VPS35L: variants seen among roughly 807,000 people sequenced by gnomAD.
The protein encoded by VPS35L is VPS35 endosomal protein sorting factor like.
In VPS35L, 83 loss-of-function variants were observed where a neutral mutation model predicts 133.0. The ratio of observed to expected loss-of-function variants is 0.62; its 90% CI spans 0.52 to 0.75. VPS35L has a LOEUF of 0.75. Ranked by LOEUF, VPS35L falls within the 30% of genes least tolerant of loss-of-function variation. VPS35L has a pLI of 0.00. For missense variants in VPS35L, 1,083 were observed against 1,206.8 expected, an observed-to-expected ratio of 0.90 and a Z score of 1.52; for synonymous variants, 423 against 449.9, an observed-to-expected ratio of 0.94 and a Z score of 0.76.
chr16:19,599,980 G>T (rs558054881), intron 8 of VPS35L, among the ~76,000 whole-genome samples: 1 of 152,186 alleles, frequency 6.6e-6, no homozygotes. Context: ...GGTGGAGGCC[G>T]TAGTGAGCTG....
intron 1 of VPS35L, among the ~76,000 whole-genome samples, chr16:19,563,315 TAAAAA>T (rs900116765): frequency 7.4e-6 from 1 of 135,932 alleles, no homozygotes; most frequent in Non-Finnish European, 1.6e-5. Flanking sequence ...CAAAAAAACT[TAAAAA>T]AAAAAAAAAG....
chr16:19,664,004 A>T (rs970687200), intron 26 of VPS35L, among the ~76,000 whole-genome samples: 25 of 152,012 alleles, frequency 1.6e-4, no homozygotes. Flanking sequence ...TTTCCCGAAT[A>T]CCGTGTTCTT....
At chr16:19,637,161 A>G (rs1246229963) in intron 19 of VPS35L, among the ~76,000 whole-genome samples, 1 of 152,244 alleles carries the variant, frequency 6.6e-6, no homozygotes, top group Non-Finnish European at 1.5e-5. Context: ...GTTGTGGTGG[A>G]CTGTAGGACG....
chr16:19,568,126 A>G (rs1971244764), intron 2 of VPS35L, among the ~76,000 whole-genome samples: 1 of 152,122 alleles, frequency 6.6e-6, no homozygotes, highest in South Asian at 2.1e-4. Flanking sequence ...ATTATTTAGT[A>G]TTTACTTGTA....
intron 14 of VPS35L, among the ~76,000 whole-genome samples, chr16:19,622,384 C>T (rs1973114263): frequency 6.6e-6 from 1 of 151,826 alleles, no homozygotes; most frequent in African/African-American, 2.4e-5. Context: ...CTCAGGTGAT[C>T]CACCCACCTG....
Position 19,629,773 on chromosome 16 carries a change from A to G in VPS35L, c.1507A>G (p.Ile503Val), listed in dbSNP as rs546049404. 6.2e-7 allele frequency: 1 copy of G among 1,613,744 alleles called. No homozygotes were observed. Among genetic ancestry groups the G allele is most frequent in the South Asian group, 1.1e-5 (1 of 91,078 alleles). ...ITKLKNPQDY[I>V]NCAEVWVEYT... ...TTTTCCTTTCTCTTTGTAGGACTAC[A>G]TTAATTGTGCCGAAGTGTGGGTGGA... Residue 503 changes from isoleucine (I) to valine (V), a missense_variant, in exon 18 of 31, where the codon ATT becomes GTT. Physicochemically the swap from Ile to Val is conservative, Grantham distance 29. Transcript: ENST00000417362.
chr16:19,645,533 C>T (rs1973917176), intron 23 of VPS35L, among the ~76,000 whole-genome samples: 3 of 152,204 alleles, frequency 2.0e-5, no homozygotes, highest in Admixed American at 2.0e-4. Context: ...TCGTAATCCG[C>T]CCGCCTCGGC....
chr16:19,661,101 C>T (rs1974471505), intron 26 of VPS35L, among the ~76,000 whole-genome samples: 1 of 150,898 alleles, frequency 6.6e-6, no homozygotes, highest in Non-Finnish European at 1.5e-5. Flanking sequence ...TCTCTTTCCC[C>T]CTTAGCAATA....
At chr16:19,594,381 C>G (rs1407533652) in intron 8 of VPS35L, among the ~76,000 whole-genome samples, 2 of 152,116 alleles carry the variant, frequency 1.3e-5, no homozygotes, top group African/African-American at 4.8e-5. Flanking sequence ...CAGTGGCTCA[C>G]GCCTATAATC....
chr16:19,592,242 G>GTT (rs1164969618), intron 8 of VPS35L, among the ~76,000 whole-genome samples: 21 of 134,070 alleles, frequency 1.6e-4, no homozygotes, highest in East Asian at 2.2e-4. Context: ...GCCCAGCTAA[G>GTT]TTTTTTTTTT....
intron 26 of VPS35L, among the ~76,000 whole-genome samples, chr16:19,668,877 C>A (rs770320779): frequency 6.6e-6 from 1 of 152,208 alleles, no homozygotes; most frequent in Non-Finnish European, 1.5e-5. Context: ...TTAGCCCAGG[C>A]AACTGTCATT....
chr16:19,567,488 A>G (rs1971225170), intron 2 of VPS35L, among the ~76,000 whole-genome samples: 1 of 152,184 alleles, frequency 6.6e-6, no homozygotes, highest in Non-Finnish European at 1.5e-5. Flanking sequence ...GTTTTCTCAA[A>G]TAAAAATTGG....
chr16:19,612,506 G>C (rs138115317), intron 12 of VPS35L, among the ~76,000 whole-genome samples: 1 of 152,074 alleles, frequency 6.6e-6, no homozygotes, highest in African/African-American at 2.4e-5. Flanking sequence ...TGCCTTCCCC[G>C]GCCTCACAAA....
chr16:19,604,947 C>A (rs1447006176), intron 9 of VPS35L, among the ~76,000 whole-genome samples: 1 of 152,216 alleles, frequency 6.6e-6, no homozygotes, highest in Non-Finnish European at 1.5e-5. Flanking sequence ...GAAGTCAAAT[C>A]ATTTTATTTC....
chr16:19,626,339 G>A (rs1973260857), intron 15 of VPS35L, 116 bp downstream of exon 15: 3 of 802,994 alleles, frequency 3.7e-6, no homozygotes, highest in South Asian at 1.5e-5. Context: ...ACTGCATGGA[G>A]GTTTAGAATG....
chr16:19,579,700 A>T (rs1458511227), intron 6 of VPS35L: 1 of 150,252 alleles, frequency 6.7e-6, no homozygotes, highest in Non-Finnish European at 1.5e-5. Flanking sequence ...TGTCTAAAAA[A>T]AATAACCCAA....
intron 17 of VPS35L, among the ~76,000 whole-genome samples, chr16:19,628,992 A>G (rs996690026): frequency 2.0e-5 from 3 of 152,234 alleles, no homozygotes; most frequent in Admixed American, 6.5e-5. Flanking sequence ...GGTTTTCACC[A>G]TGTTGGTCAG....
In VPS35L at chr16:19,615,640, ACT is replaced by A. The variant is rs1452249878; in HGVS notation, c.1024-471_1024-470del. On this transcript the variant is annotated intron_variant, in intron 12 of 30. Transcript: ENST00000417362. The stretch of plus-strand genomic sequence containing the variant: ...ACTCCACCCTGGGCAACAGAGCGAG[ACT>A]CTGTCTCAAAACAAAACAAAAAACA... 1.4e-4 allele frequency among the ~76,000 whole-genome samples: 21 copies of A among 149,396 alleles called. No individual in the cohort carries two copies. The South Asian group carries it at 2.8e-3, about 20-fold the overall frequency.
intron 26 of VPS35L, among the ~76,000 whole-genome samples, chr16:19,654,537 G>C (rs1016463117): frequency 1.4e-5 from 2 of 147,934 alleles, no homozygotes; most frequent in African/African-American, 5.0e-5. Context: ...AACAGAGCAA[G>C]ACTGTCTTGA....
Sources: allele counts gnomAD v4.1 joint callset (sites outside exome capture counted in the v4.1 genomes callset), GRCh38; gene constraint gnomAD v4.1.1; transcripts MANE v1.5; gene names NCBI Gene and HGNC (gene_info 2026-07-23, HGNC 2026-07-21).